The following KIF1A variants were observed in gnomAD, a reference collection of about 807,000 sequenced individuals.
KIF1A encodes the protein kinesin-like protein KIF1A.
A neutral mutation model predicts 227.3 loss-of-function variants in KIF1A; 46 were observed. The observed-to-expected ratio is 0.20, with a 90% CI of 0.16 to 0.26. The LOEUF is 0.26. KIF1A is among the 10% of genes least tolerant of loss of function. The pLI is 1.00. For synonymous variants in KIF1A, 1,022 were observed against 1,012.8 expected (o/e 1.01, Z -0.17); for missense variants, 1,683 against 2,485.9 (o/e 0.68, Z 6.87).
In KIF1A at chr2:240,717,429, G is replaced by A. The variant is rs369622428; in HGVS notation, c.5334-23C>T. The A allele has an allele frequency of 1.0e-4, 167 of 1,607,828 alleles. 1 individual carries two copies. The highest frequency in any genetic ancestry group is 4.9e-4 in the Middle Eastern group (3 of 6,068). ...GACCTGCAGAAGAGTTGGGAGAGGCGGCGTGGTCAGGCCAGGAACACCTGC... is the reference window on the plus strand; with the variant it reads ...GACCTGCAGAAGAGTTGGGAGAGGCAGCGTGGTCAGGCCAGGAACACCTGC... On this transcript the variant is annotated intron_variant, in intron 48 of 48. Transcript: ENST00000498729.
intron 25 of KIF1A, among the ~76,000 whole-genome samples, chr2:240,760,073 G>A (rs2050329666): frequency 6.6e-6 from 1 of 152,086 alleles, no homozygotes; most frequent in African/African-American, 2.4e-5. Context: ...AGCATGTGGG[G>A]ACAGCAGAGG....
chr2:240,777,773 G>A (rs528606668), intron 10 of KIF1A, among the ~76,000 whole-genome samples: 15 of 152,310 alleles, frequency 9.8e-5, no homozygotes, highest in South Asian at 2.1e-4. Context: ...ATCCTCAGAC[G>A]GGCCCGGCTC....
chr2:240,718,351 A>C (rs1302256742), intron 47 of KIF1A, among the ~76,000 whole-genome samples, 183 bp from the exon 48 acceptor site: 4 of 152,188 alleles, frequency 2.6e-5, no homozygotes, highest in Non-Finnish European at 5.9e-5. Context: ...TTCTGGACGC[A>C]TCTGCGGCCG....
rs2051212897 is a variant in KIF1A, at chr2:240,766,642, A to T, written c.1684+273T>A. Among the ~76,000 whole-genome samples, 1 of 152,104 alleles carries T rather than the reference A, an allele frequency of 6.6e-6. No individual in the cohort carries two copies. ...GCAGCAGCTACCCCTGGCCACAGAAAGTACCAGGCATTTTCCCAAGCACCA... is the reference window on the plus strand; with the variant it reads ...GCAGCAGCTACCCCTGGCCACAGAATGTACCAGGCATTTTCCCAAGCACCA... On this transcript the variant is annotated intron_variant, in intron 19 of 48. Transcript: ENST00000498729. The surrounding 1 kb of genome is among the most constrained non-coding windows in gnomAD (Gnocchi z 5.0).
chr2:240,813,876 G>C (rs901544559), intron 1 of KIF1A, among the ~76,000 whole-genome samples: 1 of 152,174 alleles, frequency 6.6e-6, no homozygotes, highest in East Asian at 1.9e-4. Flanking sequence ...GAACAGACGC[G>C]AAACAACCGA....
chr2:240,797,286 C>T (rs993737649), intron 2 of KIF1A, among the ~76,000 whole-genome samples: 6 of 152,304 alleles, frequency 3.9e-5, no homozygotes, highest in Non-Finnish European at 5.9e-5. Flanking sequence ...GAGAAGGCCA[C>T]GTGACGACGG....
chr2:240,798,400 GT>G (rs2056634716), intron 1 of KIF1A, among the ~76,000 whole-genome samples: 1 of 152,234 alleles, frequency 6.6e-6, no homozygotes, highest in Admixed American at 6.5e-5. Context: ...TCGGCCCAAT[GT>G]CCTGCTGGTA....
At chr2:240,769,304 A>ACC (rs1474032234) in intron 16 of KIF1A, 96 bp from the exon 17 acceptor site, 12 of 1,121,616 alleles carry the variant, frequency 1.1e-5, no homozygotes, top group Middle Eastern at 2.9e-4. Flanking sequence ...GCCTGTGGCC[A>ACC]CCGTGGCCTG....
rs907346466 is a variant in KIF1A at position 240,765,578 on chromosome 2, C to T, written c.1768+132G>A. On this transcript the variant is annotated intron_variant, in intron 20 of 48. Transcript: ENST00000498729. ...TGCTTGGATACCCGCAGCCCCCTCC[C>T]CTACCTGCCCAGCGGCCCTTAAGAG... 5 of 709,400 alleles carry T rather than the reference C, an allele frequency of 7.0e-6. No individual in the cohort carries two copies. In the African/African-American group the frequency reaches 7.2e-5, roughly 10 times the overall value. 43.9% of individuals were successfully genotyped at this position (709,400 alleles called of 1,614,324 possible).
At chr2:240,769,088 C>T in intron 17 of KIF1A, 45 bp downstream of exon 17, 1 of 1,514,554 alleles carries the variant, frequency 6.6e-7, no homozygotes, top group Non-Finnish European at 9.1e-7. Context: ...CTCACCTGGT[C>T]CTGTTCAGAT....
At chr2:240,780,386 G>A (rs757557933) in intron 10 of KIF1A, among the ~76,000 whole-genome samples, 16 of 151,906 alleles carry the variant, frequency 1.1e-4, no homozygotes, top group South Asian at 2.1e-4. Context: ...CCACACGAGC[G>A]CACACTTTCC....
intron 27 of KIF1A, among the ~76,000 whole-genome samples, chr2:240,756,779 C>T (rs1387175864): frequency 6.6e-6 from 1 of 152,220 alleles, no homozygotes; most frequent in African/African-American, 2.4e-5. Flanking sequence ...GAGTGGAGAG[C>T]ACTGAGAGCA....
Position 240,723,983 on chromosome 2 carries a change from C to T in KIF1A, c.4310G>A (p.Gly1437Asp), listed in dbSNP as rs2045701000. 4 of 1,612,194 alleles carry T rather than the reference C, an allele frequency of 2.5e-6. No individual in the cohort carries two copies. Among genetic ancestry groups the T allele is most frequent in the Non-Finnish European group, 3.4e-6 (4 of 1,179,426 alleles). Residue 1437 changes from glycine to aspartate, a missense_variant, in exon 41 of 49, where the codon GGC becomes GAC. Gly to Asp is a moderately conservative substitution (Grantham distance 94). This residue lies in a region of KIF1A where 759 missense variants were observed against 1,020.2 expected (regional missense o/e 0.74). Transcript: ENST00000498729. The part of the protein sequence containing the change: ...ELSLCHVADA[G>D]SPGMQRRRRR... ...GCAGGGCAGATACCTACCTGGGCTG[C>T]CCGCGTCAGCCACGTGGCACAGGCT...
chr2:240,754,774 CGA>C (rs1373749190), intron 27 of KIF1A, among the ~76,000 whole-genome samples: 1 of 152,126 alleles, frequency 6.6e-6, no homozygotes. Flanking sequence ...GATCTCGGGC[CGA>C]GAGACGCCAT....
intron 33 of KIF1A, 79 bp from the exon 34 acceptor site, chr2:240,743,063 C>G (rs2048179410): frequency 3.5e-6 from 4 of 1,133,076 alleles, no homozygotes; most frequent in Non-Finnish European, 3.7e-6. Flanking sequence ...GGGCTACAGG[C>G]CCCAGGTGCC....
At chr2:240,745,376 C>T (rs556447268) in intron 32 of KIF1A, 51 bp downstream of exon 32, 6 of 1,382,882 alleles carry the variant, frequency 4.3e-6, no homozygotes, top group South Asian at 1.2e-5. Context: ...CAGAGAGGCC[C>T]TGGGAGGGTC....
intron 20 of KIF1A, among the ~76,000 whole-genome samples, chr2:240,763,800 G>C (rs1483693797): frequency 6.6e-6 from 1 of 152,194 alleles, no homozygotes; most frequent in Non-Finnish European, 1.5e-5. Context: ...GACTAGACTG[G>C]AAGCAGGGCT....
At chr2:240,730,601 T>C (rs139070215) in intron 38 of KIF1A, among the ~76,000 whole-genome samples, 2 of 152,182 alleles carry the variant, frequency 1.3e-5, no homozygotes, top group African/African-American at 2.4e-5. Flanking sequence ...AGGCCACAGA[T>C]GGCAGCCAGG....
In KIF1A at chr2:240,767,036, C is replaced by A. The variant is rs199649700; in HGVS notation, c.1578-15G>T. On this transcript the variant is annotated splice_polypyrimidine_tract_variant and intron_variant, in intron 18 of 48. Transcript: ENST00000498729. Reference sequence around the variant, plus strand: ...CCCTGCCCACTCTGCGGGGTGGGGGCACCATCAGCACGGCAGCTGGGACCC... The same window carrying A: ...CCCTGCCCACTCTGCGGGGTGGGGGAACCATCAGCACGGCAGCTGGGACCC... The A allele has an allele frequency of 3.3e-5, 52 of 1,572,016 alleles. No individual in the cohort carries two copies. In the African/African-American group the frequency reaches 6.7e-4, roughly 20 times the overall value.
Sources: allele counts gnomAD v4.1 joint callset (sites outside exome capture counted in the v4.1 genomes callset), GRCh38; gene constraint gnomAD v4.1.1; regional missense constraint gnomAD v4.1.1; non-coding constraint Gnocchi (gnomAD v3.1); transcripts MANE v1.5; gene names NCBI Gene and HGNC (gene_info 2026-07-23, HGNC 2026-07-21).